The following SAMD4A variants were observed in gnomAD, a reference collection of about 807,000 sequenced individuals.
SAMD4A encodes the protein sterile alpha motif domain containing 4A, also known as protein Smaug homolog 1.
Under a neutral mutation model 81.3 loss-of-function variants are expected in SAMD4A, and 33 were observed. The ratio of observed to expected loss-of-function variants is 0.41; its 90% CI spans 0.31 to 0.54. The LOEUF is 0.54. Ranked by LOEUF, SAMD4A falls within the 20% of genes least tolerant of loss-of-function variation. The pLI is 0.37. For synonymous variants in SAMD4A, 389 were observed against 382.1 expected, an observed-to-expected ratio of 1.02 and a Z score of -0.21; for missense variants, 854 against 951.1, an observed-to-expected ratio of 0.90 and a Z score of 1.34.
rs1055744806 is a variant in SAMD4A at position 54,631,274 on chromosome 14, A to T, written c.196+63162A>T. On this transcript the variant is annotated intron_variant, in intron 2 of 12. Transcript: ENST00000554335. ...TGCTTTACTCAGGCCACTGATATAA[A>T]TGTTAATCTCATCCCAAAACACCCA... Among the ~76,000 whole-genome samples the T allele has an allele frequency of 2.0e-5, 3 of 152,248 alleles. No homozygotes were observed. The East Asian group carries it at 5.8e-4, about 29-fold the overall frequency.
In SAMD4A at chr14:54,788,972, G is replaced by A; in HGVS notation, c.*28G>A. ...GCTGAAGACGAGAGTGACCGCGCTG[G>A]CCGTGAAATCGACTGCTGCGGGTCC... is the stretch of plus-strand genomic sequence containing the variant. On this transcript the variant is annotated 3_prime_UTR_variant, in exon 13 of 13. Coordinates refer to ENST00000554335, the MANE Select transcript of SAMD4A (RefSeq NM_015589.6). 1 of 1,613,614 alleles carries A rather than the reference G, an allele frequency of 6.2e-7. No individual in the cohort carries two copies. The highest frequency in any genetic ancestry group is 8.5e-7 in the Non-Finnish European group (1 of 1,179,550).
intron 2 of SAMD4A, among the ~76,000 whole-genome samples, chr14:54,691,783 AG>A (rs2036449978): frequency 6.6e-6 from 1 of 152,226 alleles, no homozygotes. Context: ...CAGGAGAGCC[AG>A]GCTGAATATG....
chr14:54,753,604 T>C (rs927780776), intron 6 of SAMD4A, among the ~76,000 whole-genome samples: 21 of 152,282 alleles, frequency 1.4e-4, no homozygotes, highest in African/African-American at 4.8e-4. Context: ...CAGTCTGATC[T>C]CTCTTTCTTT....
intron 3 of SAMD4A, among the ~76,000 whole-genome samples, chr14:54,716,976 C>T (rs369265247): frequency 1.1e-4 from 17 of 152,190 alleles, no homozygotes; most frequent in East Asian, 5.8e-4. Context: ...TGAGGAGAGA[C>T]ATTGACATGA....
At chr14:54,754,811 T>C in intron 6 of SAMD4A, 6 of 987,962 alleles carry the variant, frequency 6.1e-6, no homozygotes, top group Non-Finnish European at 7.2e-6. Context: ...GTCTGAGTTC[T>C]GTGTGCAGAG....
intron 2 of SAMD4A, among the ~76,000 whole-genome samples, chr14:54,611,862 GTGAGACT>G (rs2034364740): frequency 6.6e-6 from 1 of 150,432 alleles, no homozygotes; most frequent in Non-Finnish European, 1.5e-5. Context: ...GGGTGACAGA[GTGAGACT>G]CTGTCTAAAA....
rs116930060 is a variant in SAMD4A at position 54,619,738 on chromosome 14, G to A, written c.196+51626G>A. On this transcript the variant is annotated intron_variant, in intron 2 of 12. Transcript: ENST00000554335. ...CTCCCACTGGTAAGTGAGAACATGC[G>A]GTATTTGGTTTCTGTTCCTGCTTTC... Among the ~76,000 whole-genome samples, 167 of 152,196 alleles carry A rather than the reference G, an allele frequency of 1.1e-3. 4 individuals carry two copies. Among genetic ancestry groups the A allele is most frequent in the East Asian group, 4.1e-3 (21 of 5,174 alleles).
At chr14:54,780,778 G>A (rs907682914) in intron 11 of SAMD4A, among the ~76,000 whole-genome samples, 2 of 152,116 alleles carry the variant, frequency 1.3e-5, no homozygotes. Flanking sequence ...CACAGGCACT[G>A]ACCTTCTGCA....
chr14:54,676,629 C>T (rs1046943998), intron 2 of SAMD4A, among the ~76,000 whole-genome samples: 5 of 152,200 alleles, frequency 3.3e-5, no homozygotes, highest in Non-Finnish European at 7.3e-5. Context: ...GTGTTCCACC[C>T]GCCTCAGCCT....
At chr14:54,606,212 T>TGTGTGTGTGTGCGTGC (rs1051852191) in intron 2 of SAMD4A, among the ~76,000 whole-genome samples, 1 of 150,254 alleles carries the variant, frequency 6.7e-6, no homozygotes, top group Non-Finnish European at 1.5e-5. Flanking sequence ...TGTGTGTGTG[T>TGTGTGTGTGTGCGTGC]GCGTGCACGT....
At chr14:54,593,665 A>G (rs925038193) in intron 2 of SAMD4A, among the ~76,000 whole-genome samples, 2 of 152,150 alleles carry the variant, frequency 1.3e-5, no homozygotes, top group African/African-American at 2.4e-5. Flanking sequence ...CCCCCTCTAA[A>G]GGCTGGAATA....
chr14:54,631,779 A>G (rs2034909263), intron 2 of SAMD4A, among the ~76,000 whole-genome samples: 1 of 152,072 alleles, frequency 6.6e-6, no homozygotes. Flanking sequence ...CACTATCAGC[A>G]TTTTTCTGAC....
chr14:54,605,500 A>G (rs1020291687), intron 2 of SAMD4A, among the ~76,000 whole-genome samples: 1 of 152,196 alleles, frequency 6.6e-6, no homozygotes, highest in Non-Finnish European at 1.5e-5. Flanking sequence ...TTGGAAGGGT[A>G]GAAAACTTTC....
intron 3 of SAMD4A, among the ~76,000 whole-genome samples, chr14:54,710,957 C>T (rs1031800565): frequency 3.3e-5 from 5 of 152,188 alleles, no homozygotes; most frequent in African/African-American, 4.8e-5. Context: ...CCTTGTTGGA[C>T]GATGGCCGTC....
chr14:54,613,734 C>A (rs995437888), intron 2 of SAMD4A, among the ~76,000 whole-genome samples: 3 of 152,152 alleles, frequency 2.0e-5, no homozygotes, highest in Non-Finnish European at 4.4e-5. Context: ...TTTACTCCAT[C>A]GATTACACAT....
In SAMD4A at chr14:54,672,415, A is replaced by G. The variant is rs59567134; in HGVS notation, c.197-29647A>G. 2.1e-3 allele frequency among the ~76,000 whole-genome samples: 317 copies of G among 152,158 alleles called. 6 individuals are homozygous for G. In the East Asian group the frequency reaches 0.046, roughly 22 times the overall value. On this transcript the variant is annotated intron_variant, in intron 2 of 12. Coordinates refer to ENST00000554335, the MANE Select transcript of SAMD4A (RefSeq NM_015589.6). ...TCTGCAGACGTCTCACTTTGTCATG[A>G]TGTGGAATCTGTCACTCTCTGCCTC...
intron 2 of SAMD4A, among the ~76,000 whole-genome samples, chr14:54,582,342 G>A (rs2033492328): frequency 6.6e-6 from 1 of 152,054 alleles, no homozygotes; most frequent in African/African-American, 2.4e-5. Flanking sequence ...AGGTGCTTGG[G>A]TATTTTGTTG....
intron 3 of SAMD4A, among the ~76,000 whole-genome samples, chr14:54,719,427 A>G (rs1184673611): frequency 6.6e-6 from 1 of 152,170 alleles, no homozygotes. Flanking sequence ...AAATTGTTCC[A>G]GCTCTGATCC....
chr14:54,739,191 A>C (rs2037785518), intron 4 of SAMD4A, among the ~76,000 whole-genome samples: 1 of 151,540 alleles, frequency 6.6e-6, no homozygotes, highest in Non-Finnish European at 1.5e-5. Flanking sequence ...AAATGAGAGA[A>C]AAGTTGAATA....
Sources: gnomAD v4.1 joint callset for allele counts (sites outside exome capture counted in the v4.1 genomes callset) on GRCh38, gnomAD v4.1.1 for gene constraint, MANE v1.5 for transcripts, NCBI Gene and HGNC (gene_info 2026-07-23, HGNC 2026-07-21) for gene names.